RNF144A: variants seen among roughly 807,000 people sequenced by gnomAD.
RNF144A encodes ring finger protein 144A, also known as E3 ubiquitin-protein ligase RNF144A.
Under a neutral mutation model 38.7 loss-of-function variants are expected in RNF144A, and 11 were observed. That is an observed-to-expected ratio of 0.28 (90% CI 0.18 to 0.47). The LOEUF is 0.47. RNF144A is among the 20% of genes least tolerant of loss of function. The pLI, the probability that RNF144A is intolerant of heterozygous loss-of-function variation, is 0.99. For synonymous variants in RNF144A, 149 were observed against 143.9 expected (o/e 1.04, Z -0.25); for missense variants, 316 against 377.2 (o/e 0.84, Z 1.34).
At chr2:7,027,433 C>T (rs1671981350) in intron 7 of RNF144A, among the ~76,000 whole-genome samples, 2 of 152,194 alleles carry the variant, frequency 1.3e-5, no homozygotes, top group African/African-American at 4.8e-5. Context: ...TCCCTTAACG[C>T]ACAGTATTTC....
At chr2:7,013,882 G>T (rs1388785845) in intron 3 of RNF144A, among the ~76,000 whole-genome samples, 3 of 152,242 alleles carry the variant, frequency 2.0e-5, no homozygotes, top group Non-Finnish European at 4.4e-5. Flanking sequence ...AGTGAGGAAT[G>T]CCAAATACAG....
At chr2:7,048,583 G>A (rs140908059), downstream of RNF144A, among the ~76,000 whole-genome samples, 726 of 152,302 alleles carry the variant, frequency 4.8e-3, 7 homozygotes, top group African/African-American at 0.016. Flanking sequence ...GCTCAGAGGA[G>A]CCTCCCTGCA....
At chr2:6,993,736 C>T (rs990619272) in intron 2 of RNF144A, among the ~76,000 whole-genome samples, 3 of 152,228 alleles carry the variant, frequency 2.0e-5, no homozygotes, top group Middle Eastern at 3.4e-3. Context: ...AAATTTTCTC[C>T]ATTGGATTGA....
chr2:6,957,314 A>C (rs1039163014), intron 2 of RNF144A, among the ~76,000 whole-genome samples: 1 of 152,202 alleles, frequency 6.6e-6, no homozygotes, highest in Non-Finnish European at 1.5e-5. Flanking sequence ...TCCGGTGTTG[A>C]GAGTGCTCAG....
intron 2 of RNF144A, among the ~76,000 whole-genome samples, chr2:6,994,908 C>CTCT (rs1669622252): frequency 6.6e-6 from 1 of 152,200 alleles, no homozygotes; most frequent in Non-Finnish European, 1.5e-5. Flanking sequence ...GTTGCTTGAG[C>CTCT]TCTGGTAGTC....
chr2:7,057,388 G>A (rs1673782064), intron 6 of RNF144A, among the ~76,000 whole-genome samples: 2 of 152,170 alleles, frequency 1.3e-5, no homozygotes, highest in Admixed American at 1.3e-4. Context: ...AATGAGGAAG[G>A]ACTTTCTAAT....
At chr2:6,921,588 C>A (rs1248633956) in intron 1 of RNF144A, among the ~76,000 whole-genome samples, 1 of 152,198 alleles carries the variant, frequency 6.6e-6, no homozygotes, top group African/African-American at 2.4e-5. Context: ...TGGCTTTGAA[C>A]CCAGAGGCCT....
At chr2:7,008,323 G>A (rs868088485) in intron 3 of RNF144A, among the ~76,000 whole-genome samples, 26 of 152,232 alleles carry the variant, frequency 1.7e-4, no homozygotes, top group Non-Finnish European at 3.2e-4. Flanking sequence ...AGACCGCAGT[G>A]TAGCTGCAGG....
intron 3 of RNF144A, among the ~76,000 whole-genome samples, chr2:6,998,677 T>TGAGATGGA (rs1669913098): frequency 6.6e-6 from 1 of 152,218 alleles, no homozygotes; most frequent in Non-Finnish European, 1.5e-5. Flanking sequence ...AAGTTGCTTT[T>TGAGATGGA]GACATTGTTC....
intron 7 of RNF144A, among the ~76,000 whole-genome samples, chr2:7,027,667 C>G (rs72783712): frequency 6.6e-6 from 1 of 152,160 alleles, no homozygotes; most frequent in Non-Finnish European, 1.5e-5. Flanking sequence ...TGCGGCTTCC[C>G]GGAGCTTGCA....
intron 1 of RNF144A, among the ~76,000 whole-genome samples, chr2:6,940,221 T>C (rs1016777837): frequency 2.0e-5 from 3 of 152,216 alleles, no homozygotes; most frequent in Admixed American, 2.0e-4. Flanking sequence ...GGGATGTCTA[T>C]TTTTTAGGGC....
chr2:7,020,769 G>A, intron 6 of RNF144A, 89 bp downstream of exon 6: 2 of 1,207,310 alleles, frequency 1.7e-6, no homozygotes, highest in South Asian at 1.3e-5. Context: ...CTGTTACAGT[G>A]TAAGTGGCTG....
chr2:7,002,828 G>A (rs1014018907), intron 3 of RNF144A, among the ~76,000 whole-genome samples: 9 of 152,100 alleles, frequency 5.9e-5, no homozygotes, highest in African/African-American at 2.2e-4. Flanking sequence ...TCAGAAGAAG[G>A]CATTGTTGTT....
intron 8 of RNF144A, among the ~76,000 whole-genome samples, chr2:7,036,282 C>A (rs1672672571): frequency 6.6e-6 from 1 of 152,236 alleles, no homozygotes; most frequent in Non-Finnish European, 1.5e-5. Context: ...TCTTCCTTCT[C>A]TTCTGAGAAG....
At chr2:7,074,241 CACTT>C in the RNF144A span, among the ~76,000 whole-genome samples, 2 of 152,136 alleles carry the variant, frequency 1.3e-5, no homozygotes, top group African/African-American at 4.8e-5. Context: ...CCTCTCATAA[CACTT>C]ACCACCAGGG....
At chr2:7,015,800 T>G (rs1197670843) in intron 5 of RNF144A, among the ~76,000 whole-genome samples, 1 of 152,152 alleles carries the variant, frequency 6.6e-6, no homozygotes, top group Non-Finnish European at 1.5e-5. Flanking sequence ...ATTGCTGGCA[T>G]CTGCTCTCCC....
chr2:7,033,879 A>C (rs1672485610), intron 8 of RNF144A, among the ~76,000 whole-genome samples: 1 of 152,172 alleles, frequency 6.6e-6, no homozygotes, highest in Admixed American at 6.5e-5. Context: ...CAAAATCGCG[A>C]ATGACCCGTT....
intron 5 of RNF144A, 67 bp downstream of exon 5, chr2:7,014,839 A>C (rs1167238889): frequency 1.7e-6 from 2 of 1,184,310 alleles, no homozygotes; most frequent in Admixed American, 3.5e-5. Context: ...TTTTGTGGGG[A>C]GTTCTTTTGG....
chr2:6,936,591 G>A (rs1665599047), intron 1 of RNF144A, among the ~76,000 whole-genome samples: 1 of 152,074 alleles, frequency 6.6e-6, no homozygotes. Context: ...TTTCTATATT[G>A]ATAGACACAC....
Sources: allele counts gnomAD v4.1 joint callset (sites outside exome capture counted in the v4.1 genomes callset), GRCh38; gene constraint gnomAD v4.1.1; transcripts MANE v1.5; gene names NCBI Gene and HGNC (gene_info 2026-07-23, HGNC 2026-07-21).